The following RIT2 variants were observed in gnomAD, a reference collection of about 807,000 sequenced individuals.
The protein encoded by RIT2 is Ras like without CAAX 2.
In RIT2, 24 loss-of-function variants were observed where a neutral mutation model predicts 23.7. That is an observed-to-expected ratio of 1.01 (90% CI 0.73 to 1.43). The LOEUF (loss-of-function observed/expected upper bound fraction) is 1.43. Ranked by LOEUF, RIT2 falls within the 40% of genes most tolerant of loss-of-function variation. The pLI is 0.00. For missense variants in RIT2, 236 were observed against 266.9 expected, an observed-to-expected ratio of 0.88 and a Z score of 0.81; for synonymous variants, 107 against 91.1, an observed-to-expected ratio of 1.17 and a Z score of -0.99.
intron 4 of RIT2, among the ~76,000 whole-genome samples, chr18:42,775,041 T>C (rs1303471490): frequency 1.3e-5 from 2 of 152,234 alleles, no homozygotes; most frequent in South Asian, 2.1e-4. Context: ...ACTGAACTTA[T>C]GTGTTTATCA....
At chr18:43,105,516 G>GGAAGAGAGGAAGGGAGGAAGAGA (rs1568083865) in intron 1 of RIT2, among the ~76,000 whole-genome samples, 2 of 151,194 alleles carry the variant, frequency 1.3e-5, no homozygotes, top group East Asian at 3.9e-4. Flanking sequence ...GAGGGAGGGA[G>GGAAGAGAGGAAGGGAGGAAGAGA]GGAATGAGCA....
At chr18:42,796,425 G>A (rs1393778967) in intron 4 of RIT2, among the ~76,000 whole-genome samples, 2 of 151,982 alleles carry the variant, frequency 1.3e-5, no homozygotes, top group Admixed American at 6.6e-5. Flanking sequence ...GAGGGTCCGC[G>A]GCTTCATTCT....
intron 2 of RIT2, among the ~76,000 whole-genome samples, chr18:42,978,778 T>G (rs1910530304): frequency 6.6e-6 from 1 of 152,148 alleles, no homozygotes; most frequent in East Asian, 1.9e-4. Flanking sequence ...TCAGCAGAAT[T>G]GCATAAGAAG....
intron 4 of RIT2, among the ~76,000 whole-genome samples, chr18:42,749,990 C>A (rs560719343): frequency 6.6e-6 from 1 of 151,792 alleles, no homozygotes; most frequent in East Asian, 1.9e-4. Context: ...GACTTGATAA[C>A]TAATTTGCTA....
chr18:43,003,973 C>T lies in RIT2; in HGVS notation c.161-29826G>A, dbSNP rs771290333. ...TGGCAACAGGTTCATTCTTTCTCTGCTTTTTCTGTACTCTATTCAAAAAAT... is the reference window on the plus strand; with the variant it reads ...TGGCAACAGGTTCATTCTTTCTCTGTTTTTTCTGTACTCTATTCAAAAAAT... On this transcript the variant is annotated intron_variant, in intron 2 of 4. Coordinates refer to ENST00000326695, the MANE Select transcript of RIT2 (RefSeq NM_002930.4). Among the ~76,000 whole-genome samples, 8 of 117,308 alleles carry T rather than the reference C, an allele frequency of 6.8e-5. No homozygotes were observed. In the South Asian group the frequency reaches 1.2e-3, roughly 18 times the overall value. The allele number at this position is 117,308 out of a possible 152,430, so 77.0% of individuals were successfully genotyped here.
At chr18:42,744,910 G>C (rs1013659070) in intron 4 of RIT2, among the ~76,000 whole-genome samples, 1 of 152,148 alleles carries the variant, frequency 6.6e-6, no homozygotes, top group Non-Finnish European at 1.5e-5. Flanking sequence ...GGTTCATGCT[G>C]TTGTAATGGA....
intron 3 of RIT2, among the ~76,000 whole-genome samples, chr18:42,937,089 C>A (rs2144152887): frequency 6.6e-6 from 1 of 151,696 alleles, no homozygotes; most frequent in South Asian, 2.1e-4. Flanking sequence ...GGGCAAATAT[C>A]TTGATTTCTC....
At chr18:43,066,628 A>C (rs1185681544) in intron 1 of RIT2, among the ~76,000 whole-genome samples, 1 of 152,198 alleles carries the variant, frequency 6.6e-6, no homozygotes, top group Non-Finnish European at 1.5e-5. Context: ...TTTAGTTAGA[A>C]GAAAGTCCTC....
chr18:42,780,815 T>A (rs1913793672), intron 4 of RIT2, among the ~76,000 whole-genome samples: 1 of 151,682 alleles, frequency 6.6e-6, no homozygotes, highest in South Asian at 2.1e-4. Context: ...AACTAGCTTT[T>A]CAGGCTTTTT....
intron 4 of RIT2, among the ~76,000 whole-genome samples, chr18:42,887,008 C>A (rs926266606): frequency 6.6e-6 from 1 of 151,976 alleles, no homozygotes; most frequent in Non-Finnish European, 1.5e-5. Context: ...AGCCAAGGTC[C>A]CCCAAAATTA....
intron 1 of RIT2, among the ~76,000 whole-genome samples, chr18:43,046,347 C>A (rs1391803338): frequency 2.0e-5 from 3 of 152,198 alleles, no homozygotes; most frequent in Non-Finnish European, 1.5e-5. Flanking sequence ...TATTAATTTT[C>A]AACATATCAC....
At chr18:42,746,059 G>A (rs1025549044) in intron 4 of RIT2, among the ~76,000 whole-genome samples, 1 of 152,124 alleles carries the variant, frequency 6.6e-6, no homozygotes, top group Non-Finnish European at 1.5e-5. Flanking sequence ...TGTCAGGTGG[G>A]TTCTGGTGTA....
chr18:42,947,475 T>C (rs1909754855), intron 3 of RIT2, among the ~76,000 whole-genome samples: 1 of 152,144 alleles, frequency 6.6e-6, no homozygotes, highest in African/African-American at 2.4e-5. Flanking sequence ...TTGCTTTGGA[T>C]TTCCTTTATT....
chr18:42,801,764 A>G (rs984922587), intron 4 of RIT2, among the ~76,000 whole-genome samples: 7 of 152,136 alleles, frequency 4.6e-5, no homozygotes, highest in African/African-American at 1.7e-4. Flanking sequence ...TTTCATACCC[A>G]TCTCCTGAGT....
At chr18:42,844,707 A>T (rs762227492) in intron 4 of RIT2, among the ~76,000 whole-genome samples, 2 of 152,074 alleles carry the variant, frequency 1.3e-5, no homozygotes, top group African/African-American at 4.8e-5. Context: ...GGCAACATTG[A>T]TTGGTAAAAA....
chr18:42,799,992 C>T (rs1170292394), intron 4 of RIT2, among the ~76,000 whole-genome samples: 4 of 152,210 alleles, frequency 2.6e-5, no homozygotes, highest in African/African-American at 9.6e-5. Context: ...TCTTTCCCTC[C>T]ACGAAGCTAT....
intron 2 of RIT2, among the ~76,000 whole-genome samples, chr18:43,030,035 A>G (rs112799347): frequency 1.3e-5 from 2 of 152,042 alleles, no homozygotes; most frequent in African/African-American, 4.8e-5. Context: ...CATTTAATGA[A>G]TATTTTATAT....
rs559407236 is a variant in RIT2, at chr18:42,940,736, A to G, written c.235-16973T>C. On this transcript the variant is annotated intron_variant, in intron 3 of 4. Coordinates refer to ENST00000326695, the MANE Select transcript of RIT2 (RefSeq NM_002930.4). Reference sequence around the variant, plus strand: ...TAATTCTAATTTATAAATTAGGAAAATGAAGCTCAGGAACATTCAGTATTT... The same window carrying G: ...TAATTCTAATTTATAAATTAGGAAAGTGAAGCTCAGGAACATTCAGTATTT... 4.6e-5 allele frequency among the ~76,000 whole-genome samples: 7 copies of G among 152,292 alleles called. No individual in the cohort carries two copies. In the South Asian group the frequency reaches 1.5e-3, roughly 32 times the overall value.
At chr18:42,756,910 A>G (rs1913178379) in intron 4 of RIT2, among the ~76,000 whole-genome samples, 1 of 151,874 alleles carries the variant, frequency 6.6e-6, no homozygotes, top group African/African-American at 2.4e-5. Flanking sequence ...AAACTTATGT[A>G]TTATACTTGT....
Sources: allele counts gnomAD v4.1 joint callset (sites outside exome capture counted in the v4.1 genomes callset), GRCh38; gene constraint gnomAD v4.1.1; transcripts MANE v1.5; gene names NCBI Gene and HGNC (gene_info 2026-07-23, HGNC 2026-07-21).